The following FLAD1 variants were observed in gnomAD, a reference collection of about 807,000 sequenced individuals.
FLAD1 encodes the protein bifunctional FAD diphosphatase/FAD synthase.
In FLAD1, 35 loss-of-function variants were observed where a neutral mutation model predicts 55.0. That is an observed-to-expected ratio of 0.64 (90% CI 0.49 to 0.84). The LOEUF (loss-of-function observed/expected upper bound fraction) is 0.84. Ranked by LOEUF, FLAD1 falls within the 40% of genes least tolerant of loss-of-function variation. FLAD1 has a pLI of 0.00. For missense variants in FLAD1, 665 were observed against 742.6 expected (o/e 0.90, Z 1.21); for synonymous variants, 267 against 303.0 (o/e 0.88, Z 1.23).
intron 5 of FLAD1, 164 bp from the exon 6 acceptor site, chr1:154,992,549 C>T (rs1156998109): frequency 1.2e-6 from 2 of 1,609,882 alleles, no homozygotes; most frequent in Non-Finnish European, 8.5e-7. Context: ...CCTTCTCTTT[C>T]TCTTTGCATA....
At chr1:154,991,571 A>C (rs1016223007) in intron 5 of FLAD1, among the ~76,000 whole-genome samples, 18 of 152,186 alleles carry the variant, frequency 1.2e-4, no homozygotes, top group Admixed American at 1.2e-3. Flanking sequence ...CAAAAAAAAA[A>C]TACAGTTATT....
intron 1 of FLAD1, among the ~76,000 whole-genome samples, chr1:154,986,045 G>GTA (rs1401893256): frequency 6.6e-6 from 1 of 151,722 alleles, no homozygotes; most frequent in African/African-American, 2.4e-5. Context: ...GTGTGTGTGT[G>GTA]TGTGTGTGTG....
intron 5 of FLAD1, 170 bp from the exon 6 acceptor site, chr1:154,992,543 C>G: frequency 1.2e-6 from 2 of 1,602,842 alleles, no homozygotes; most frequent in African/African-American, 1.3e-5. Context: ...TGAAGTCCTT[C>G]TCTTTCTCTT....
intron 5 of FLAD1, among the ~76,000 whole-genome samples, chr1:154,991,451 A>T (rs182333789): frequency 9.2e-4 from 139 of 151,500 alleles, no homozygotes; most frequent in African/African-American, 3.1e-3. Context: ...ACTACTCAGG[A>T]GGCTGAGGTA....
At chr1:154,987,868 G>A (rs1657687761) in intron 1 of FLAD1, 3 of 1,288,810 alleles carry the variant, frequency 2.3e-6, no homozygotes, top group South Asian at 1.6e-5. Flanking sequence ...GGAGGTTGAG[G>A]CTGCAGTGAA....
chr1:154,984,188 T>G, intron 1 of FLAD1, 122 bp downstream of exon 1: 2 of 834,762 alleles, frequency 2.4e-6, no homozygotes, highest in Non-Finnish European at 3.3e-6. Flanking sequence ...AGTAGGATCC[T>G]GGAGTGAATC....
chr1:154,990,091 T>C (rs1657795832), intron 3 of FLAD1, 68 bp from the exon 4 acceptor site: 2 of 1,260,832 alleles, frequency 1.6e-6, no homozygotes, highest in Admixed American at 3.4e-5. Context: ...ACGAGAACAG[T>C]GAGCTGTTTC....
Position 154,989,722 on chromosome 1 carries a change from G to C in FLAD1, c.1265+15G>C. ...GCTGTGCAGAGGTGAGCCTGCCCCC[G>C]GGAGACAAGACCCCTGATCTGTTTC... On this transcript the variant is annotated intron_variant, in intron 3 of 6. Transcript: ENST00000292180. The C allele has an allele frequency of 6.7e-7, 1 of 1,494,132 alleles. No individual in the cohort carries two copies. The highest frequency in any genetic ancestry group is 1.4e-5 in the South Asian group (1 of 72,074). 92.6% of individuals were successfully genotyped at this position (1,494,132 alleles called of 1,614,324 possible).
rs751668470 is a variant in FLAD1, at chr1:154,992,925, A to G, written c.1652A>G (p.Glu551Gly). Residue 551 changes from glutamate (E) to glycine (G), a missense_variant, in exon 7 of 7, where the codon GAG becomes GGG. Physicochemically the swap from Glu to Gly is moderately conservative, Grantham distance 98. Transcript: ENST00000292180. ...AGATACACATCACTGGGGAGTCGGG[A>G]GAATACCGTGCGGAACCCGGCCCTG... ...DRGYTSLGSR[E>G]NTVRNPALKC... 6.2e-7 allele frequency: 1 copy of G among 1,613,908 alleles called. No homozygotes were observed. Among genetic ancestry groups the G allele is most frequent in the Non-Finnish European group, 8.5e-7 (1 of 1,179,946 alleles).
At chr1:154,985,017 G>A (rs1009013448) in intron 1 of FLAD1, among the ~76,000 whole-genome samples, 4 of 129,172 alleles carry the variant, frequency 3.1e-5, no homozygotes, top group Non-Finnish European at 3.1e-5. Flanking sequence ...GGTGTTAGCC[G>A]CCACACCTGG....
Position 154,983,948 on chromosome 1 carries a change from A to C in FLAD1, c.254A>C (p.Tyr85Ser). The C allele has an allele frequency of 1.3e-6, 2 of 1,598,460 alleles. No homozygotes were observed. The highest frequency in any genetic ancestry group is 2.7e-5 in the African/African-American group (2 of 74,360). Residue 85 changes from tyrosine (Y) to serine (S), a missense_variant, in exon 1 of 7, where the codon TAC becomes TCC. Physicochemically the swap from Tyr to Ser is moderately radical, Grantham distance 144. Transcript: ENST00000292180. ...CCCCTATTTGGGGGTCTGGGTGGCT[A>C]CTGGAGGGCCTTGCAGAGGGGCAGA... ...LRPLFGGLGG[Y>S]WRALQRGREG...
At position 154,988,580 on chromosome 1, in the gene FLAD1, A is replaced by T. The variant is rs1322770481; in HGVS notation, c.848A>T (p.Glu283Val). The T allele has an allele frequency of 6.2e-7, 1 of 1,614,188 alleles. No homozygotes were observed. Among genetic ancestry groups the T allele is most frequent in the African/African-American group, 1.3e-5 (1 of 75,046 alleles). Reference protein sequence around the residue: ...QNPAVQFHSKELYVAADEASI... With the variant: ...QNPAVQFHSKVLYVAADEASI... Reference sequence around the variant, plus strand: ...CCAGCTGTTCAGTTCCACTCAAAGGAGCTATATGTGGCTGCTGATGAAGCC... The same window carrying T: ...CCAGCTGTTCAGTTCCACTCAAAGGTGCTATATGTGGCTGCTGATGAAGCC... Residue 283 changes from glutamate to valine, a missense_variant, in exon 2 of 7, where the codon GAG becomes GTG. Coordinates refer to ENST00000292180, the MANE Select transcript of FLAD1 (RefSeq NM_025207.5).
rs144986636 is a variant in FLAD1 at position 154,988,415 on chromosome 1, G to A, written c.683G>A (p.Arg228His). The change falls in exon 2 of 7, where the codon CGC becomes CAC. Residue 228 changes from arginine (R) to histidine (H), a missense_variant. Transcript: ENST00000292180. The stretch of plus-strand genomic sequence containing the variant: ...CTATCATTGGTGCCCTCCTCTGCCC[G>A]CCTGCATTATGGCACAGATCCTTGC... Reference protein sequence around the residue: ...EKLSLVPSSARLHYGTDPCTG... With the variant: ...EKLSLVPSSAHLHYGTDPCTG... 296 of 1,614,184 alleles carry A rather than the reference G, an allele frequency of 1.8e-4. No homozygotes were observed. In the African/African-American group the frequency reaches 2.8e-3, roughly 15 times the overall value.
chr1:154,984,007 C>T lies in FLAD1; in HGVS notation c.313C>T (p.Leu105Phe), dbSNP rs768383309. Residue 105 changes from leucine (L) to phenylalanine (F), a missense_variant, in exon 1 of 7, where the codon CTT becomes TTT. Physicochemically the swap from Leu to Phe is conservative, Grantham distance 22. Transcript: ENST00000292180. ...GRTMTSRASE[L>F]SPGRSVTAGI... ...GACCATGACATCTAGGGCCTCTGAA[C>T]TTTCTCCGGGGCGCAGCGTGACGGC... 7.2e-6 allele frequency: 11 copies of T among 1,517,898 alleles called. No homozygotes were observed. The Middle Eastern group carries it at 8.9e-4, about 123-fold the overall frequency. The allele number at this position is 1,517,898 out of a possible 1,614,324, so 94.0% of individuals were successfully genotyped here. A position where few individuals can be genotyped will look rare whatever the true frequency, so the allele number is the denominator to read the frequency against.
rs7535144 is a variant in FLAD1 at position 154,992,637 on chromosome 1, G to T, written c.1555-76G>T. 69,321 of 1,613,972 alleles carry T rather than the reference G, an allele frequency of 0.043. 3,691 individuals are homozygous for T. The highest frequency in any genetic ancestry group is 0.27 in the African/African-American group (20,154 of 74,924). Reference sequence around the variant, plus strand: ...AAGGGAGCAGAAGAGCCATGGATGGGCCCCTTCCCAGGACAGCAGGGGTAG... The same window carrying T: ...AAGGGAGCAGAAGAGCCATGGATGGTCCCCTTCCCAGGACAGCAGGGGTAG... On this transcript the variant is annotated intron_variant, in intron 5 of 6. Coordinates refer to ENST00000292180, the MANE Select transcript of FLAD1 (RefSeq NM_025207.5).
Position 154,983,760 on chromosome 1 carries a change from C to G in FLAD1, c.66C>G (p.Ile22Met), listed in dbSNP as rs1432408214. The change falls in exon 1 of 7, where the codon ATC (isoleucine) becomes ATG (methionine). Residue 22 changes from isoleucine (I) to methionine (M), a missense_variant. Coordinates refer to ENST00000292180, the MANE Select transcript of FLAD1 (RefSeq NM_025207.5). ...RQEQRSRLSR[I>M]WLEKTRVFLE... ...AACAAAGGAGTCGCTTGTCAAGGATCTGGTTAGAGAAGACTAGGGTCTTCC... is the reference window on the plus strand; with the variant it reads ...AACAAAGGAGTCGCTTGTCAAGGATGTGGTTAGAGAAGACTAGGGTCTTCC... 1 of 1,614,120 alleles carries G rather than the reference C, an allele frequency of 6.2e-7. No individual in the cohort carries two copies. The highest frequency in any genetic ancestry group is 8.5e-7 in the Non-Finnish European group (1 of 1,179,986).
intron 5 of FLAD1, 161 bp downstream of exon 5, chr1:154,990,689 C>T (rs1420602328): frequency 1.5e-6 from 1 of 667,848 alleles, no homozygotes; most frequent in East Asian, 3.0e-5. Context: ...TCCTTTTGAC[C>T]AATATTTATT....
At chr1:154,984,939 A>C (rs1411880373) in intron 1 of FLAD1, among the ~76,000 whole-genome samples, 11 of 150,194 alleles carry the variant, frequency 7.3e-5, no homozygotes, top group Admixed American at 6.7e-4. Context: ...GTCACAGCTC[A>C]CTGAAGCCTC....
Position 154,983,344 on chromosome 1 carries a change from G to A in FLAD1, c.-351G>A. On this transcript the variant is annotated 5_prime_UTR_variant, in exon 1 of 7. Coordinates refer to ENST00000292180, the MANE Select transcript of FLAD1 (RefSeq NM_025207.5). ...GGACTTTAAGTACGGAAGCTGCCCC[G>A]GGACATGAGGAAAGGAACAAGGGAA... The A allele has an allele frequency of 5.2e-6, 1 of 191,708 alleles. No individual in the cohort carries two copies. Among genetic ancestry groups the A allele is most frequent in the Non-Finnish European group, 1.1e-5 (1 of 93,142 alleles). The allele number at this position is 191,708 out of a possible 1,614,324, so 11.9% of individuals were successfully genotyped here. A position where few individuals can be genotyped will look rare whatever the true frequency, so the allele number is the denominator to read the frequency against.
Sources: gnomAD v4.1 joint callset for allele counts (sites outside exome capture counted in the v4.1 genomes callset) on GRCh38, gnomAD v4.1.1 for gene constraint, MANE v1.5 for transcripts, NCBI Gene and HGNC (gene_info 2026-07-23, HGNC 2026-07-21) for gene names.